NUP188: variants seen among roughly 807,000 people sequenced by gnomAD.
NUP188 encodes nucleoporin 188.
NUP188 carries 97 observed loss-of-function variants against 223.0 expected under a neutral mutation model. The ratio of observed to expected loss-of-function variants is 0.43; its 90% CI spans 0.37 to 0.51. NUP188 has a LOEUF of 0.51. NUP188 is among the 20% of genes least tolerant of loss of function. The probability of loss-of-function intolerance (pLI) is 0.00; values close to 1 mark genes in which losing one functional copy is unlikely to be tolerated. For synonymous variants in NUP188, 869 were observed against 828.0 expected, an observed-to-expected ratio of 1.05 and a Z score of -0.85; for missense variants, 1,947 against 2,175.6, an observed-to-expected ratio of 0.89 and a Z score of 2.09.
At chr9:128,980,479 A>T in intron 13 of NUP188, 127 bp from the exon 14 acceptor site, 1 of 897,834 alleles carries the variant, frequency 1.1e-6, no homozygotes, top group Non-Finnish European at 1.7e-6. Flanking sequence ...TTAAATTATT[A>T]AGGAGGGATG....
chr9:128,958,776 C>A, intron 6 of NUP188, 26 bp from the exon 7 acceptor site: 1 of 1,388,894 alleles, frequency 7.2e-7, no homozygotes, highest in Non-Finnish European at 1.0e-6. Flanking sequence ...AGGTGAGTAA[C>A]TGATTTTGAA....
At chr9:128,994,058 A>G (rs1363078641) in intron 27 of NUP188, among the ~76,000 whole-genome samples, 1 of 152,192 alleles carries the variant, frequency 6.6e-6, no homozygotes, top group Non-Finnish European at 1.5e-5. Context: ...AAGGAGTGTT[A>G]AAAGGCTAAA....
In NUP188 at chr9:128,979,260, A is replaced by G; in HGVS notation, c.1204-2A>G. 1.2e-6 allele frequency: 2 copies of G among 1,607,898 alleles called. No homozygotes were observed. Among genetic ancestry groups the G allele is most frequent in the Non-Finnish European group, 1.7e-6 (2 of 1,175,630 alleles). ...TCCATTTTTCTTCCCTTCCTCAAAC[A>G]GGATATAATTGATACAGCATGTGAA... On this transcript the variant is annotated splice_acceptor_variant, in intron 12 of 43. Coordinates refer to ENST00000372577, the MANE Select transcript of NUP188 (RefSeq NM_015354.3). LOFTEE classifies it high-confidence loss of function.
In NUP188 at chr9:128,991,611, G is replaced by T. The variant is rs117657952; in HGVS notation, c.2640+1385G>T. On this transcript the variant is annotated intron_variant, in intron 25 of 43. Coordinates refer to ENST00000372577, the MANE Select transcript of NUP188 (RefSeq NM_015354.3). The stretch of plus-strand genomic sequence containing the variant: ...AATCCCAGGACTCTGGGAGGCCCAG[G>T]TGGGTGGCTTGCCTGAGCTCAGGAG... Among the ~76,000 whole-genome samples, 362 of 151,966 alleles carry T rather than the reference G, an allele frequency of 2.4e-3. 7 individuals carry two copies. The East Asian group carries it at 0.041, about 17-fold the overall frequency.
At position 129,001,930 on chromosome 9, in the gene NUP188, T is replaced by C. The variant is rs758468971; in HGVS notation, c.4091T>C (p.Leu1364Ser). Residue 1364 changes from leucine (L) to serine (S), a missense_variant, in exon 36 of 44, where the codon TTG (leucine) becomes TCG (serine). Physicochemically the swap from Leu to Ser is moderately radical, Grantham distance 145. Around this residue, in one of 3 missense-constraint regions of NUP188, gnomAD observed 905 missense variants for 990.6 expected, o/e 0.91. Coordinates refer to ENST00000372577, the MANE Select transcript of NUP188 (RefSeq NM_015354.3). ...GCTGGCATCACCCAGAGCATTTGTTTGCCCCTTCTGAGTGTGTACCAGCTG... is the reference window on the plus strand; with the variant it reads ...GCTGGCATCACCCAGAGCATTTGTTCGCCCCTTCTGAGTGTGTACCAGCTG... ...AGAGITQSICLPLLSVYQLST... is the reference protein window; with the variant it reads ...AGAGITQSICSPLLSVYQLST... The C allele has an allele frequency of 6.2e-7, 1 of 1,614,202 alleles. No homozygotes were observed. The highest frequency in any genetic ancestry group is 1.7e-5 in the Admixed American group (1 of 60,028).
chr9:128,992,437 T>G (rs1186707419), intron 25 of NUP188, among the ~76,000 whole-genome samples: 1 of 151,786 alleles, frequency 6.6e-6, no homozygotes, highest in Non-Finnish European at 1.5e-5. Context: ...TCAAGTGATC[T>G]GCCTGCCTCA....
intron 8 of NUP188, among the ~76,000 whole-genome samples, chr9:128,967,651 G>C (rs936078068): frequency 6.6e-6 from 1 of 152,096 alleles, no homozygotes; most frequent in African/African-American, 2.4e-5. Flanking sequence ...TCAGCCGGGC[G>C]TGGTGGCAGG....
At chr9:128,947,851 C>A in intron 1 of NUP188, 100 bp downstream of exon 1, 4 of 1,158,610 alleles carry the variant, frequency 3.5e-6, no homozygotes, top group South Asian at 2.5e-5. Flanking sequence ...GCGACAGTGG[C>A]AGGGCCAACC....
intron 32 of NUP188, 149 bp downstream of exon 32, chr9:128,998,772 G>A (rs1842577591): frequency 3.0e-6 from 2 of 671,396 alleles, no homozygotes; most frequent in African/African-American, 1.8e-5. Context: ...GGAGGGTGAG[G>A]CAGACTGGTG....
chr9:128,950,854 C>T (rs894254966), intron 2 of NUP188, among the ~76,000 whole-genome samples: 3 of 152,136 alleles, frequency 2.0e-5, no homozygotes, highest in South Asian at 2.1e-4. Context: ...ATAAACATTA[C>T]GCATTCCCTA....
intron 8 of NUP188, among the ~76,000 whole-genome samples, chr9:128,961,588 A>AG (rs1397044873): frequency 7.3e-6 from 1 of 137,712 alleles, no homozygotes; most frequent in African/African-American, 3.3e-5. Context: ...CTATCTATCT[A>AG]TCTAGATAGA....
intron 8 of NUP188, among the ~76,000 whole-genome samples, chr9:128,961,935 A>G (rs1446843141): frequency 7.1e-6 from 1 of 140,086 alleles, no homozygotes; most frequent in Non-Finnish European, 1.5e-5. Context: ...AGGACATACC[A>G]TACTCTTTTT....
chr9:128,990,681 G>A (rs1487103419), intron 25 of NUP188, among the ~76,000 whole-genome samples: 12 of 152,184 alleles, frequency 7.9e-5, no homozygotes, highest in East Asian at 1.9e-4. Flanking sequence ...TGGCTAATAC[G>A]GTGAAACCCC....
At chr9:128,997,985 T>C (rs993591572) in intron 30 of NUP188, among the ~76,000 whole-genome samples, 166 bp from the exon 31 acceptor site, 2 of 152,040 alleles carry the variant, frequency 1.3e-5, no homozygotes, top group Non-Finnish European at 2.9e-5. Flanking sequence ...TCCCAAAGTG[T>C]TAGGATTACA....
chr9:128,992,987 A>C, intron 25 of NUP188: 1 of 564,824 alleles, frequency 1.8e-6, no homozygotes, highest in South Asian at 2.1e-5. Flanking sequence ...AGGGAAGTTG[A>C]GCATTTCTTT....
rs541473299 is a variant in NUP188, at chr9:128,947,734, C to G, written c.15C>G (p.Ala5=). Residue 5 remains alanine (A), a synonymous_variant, in exon 1 of 44, where the codon GCC becomes GCG. Coordinates refer to ENST00000372577, the MANE Select transcript of NUP188 (RefSeq NM_015354.3). ...GGCGCGCGAAGATGGCGGCGGCCGC[C>G]GGCGGGCCGTGTGTGAGGTGCGGAG... MAAA[A]GGPCVRSSRE... 65 of 1,469,750 alleles carry G rather than the reference C, an allele frequency of 4.4e-5. No individual in the cohort carries two copies. Among genetic ancestry groups the G allele is most frequent in the Admixed American group, 3.9e-4 (16 of 41,080 alleles). 91.0% of individuals were successfully genotyped at this position (1,469,750 alleles called of 1,614,324 possible).
At chr9:128,957,427 A>G (rs1405348971) in intron 5 of NUP188, among the ~76,000 whole-genome samples, 10 of 152,090 alleles carry the variant, frequency 6.6e-5, no homozygotes, top group African/African-American at 2.4e-4. Flanking sequence ...CATGTTAATC[A>G]TAGAATCTTG....
rs776875739 is a variant in NUP188, at chr9:128,982,909, T to G, written c.1677T>G (p.Ile559Met). 1 of 1,614,190 alleles carries G rather than the reference T, an allele frequency of 6.2e-7. No individual in the cohort carries two copies. Among genetic ancestry groups the G allele is most frequent in the South Asian group, 1.1e-5 (1 of 91,082 alleles). ...LLHVVSTADV[I>M]QHCQRVKPII... ...GGCTGTCTTTCTTCTCAGATGTGAT[T>G]CAGCACTGCCAGCGAGTCAAACCCA... is the stretch of plus-strand genomic sequence containing the variant. The change falls in exon 17 of 44, where the codon ATT (isoleucine) becomes ATG (methionine). Residue 559 changes from isoleucine to methionine, a missense_variant. Coordinates refer to ENST00000372577, the MANE Select transcript of NUP188 (RefSeq NM_015354.3).
In NUP188 at chr9:128,986,551, C is replaced by G; in HGVS notation, c.2077-7C>G. The G allele has an allele frequency of 6.2e-7, 1 of 1,612,598 alleles. No individual in the cohort carries two copies. The highest frequency in any genetic ancestry group is 1.1e-5 in the South Asian group (1 of 90,742). On this transcript the variant is annotated splice_polypyrimidine_tract_variant and splice_region_variant and intron_variant, in intron 20 of 43. Transcript: ENST00000372577. ...TGCGGAAGTCCTCACTGCATGGTTT[C>G]TTGTAGGGGCAACTTGGTAGTACCC...
Sources: gnomAD v4.1 joint callset for allele counts (sites outside exome capture counted in the v4.1 genomes callset) on GRCh38, gnomAD v4.1.1 for gene constraint, gnomAD v4.1.1 regional missense constraint, MANE v1.5 for transcripts, NCBI Gene and HGNC (gene_info 2026-07-23, HGNC 2026-07-21) for gene names.